Variants in USP38 observed in about 807,000 individuals in gnomAD.
USP38 encodes the protein ubiquitin carboxyl-terminal hydrolase 38.
USP38 carries 49 observed loss-of-function variants against 94.3 expected under a neutral mutation model. The observed-to-expected ratio is 0.52, with a 90% CI of 0.41 to 0.66. The LOEUF is 0.66. Ranked by LOEUF, USP38 falls within the 30% of genes least tolerant of loss-of-function variation. USP38 has a pLI of 0.00. For synonymous variants in USP38, 468 were observed against 463.6 expected (o/e 1.01, Z -0.12); for missense variants, 1,128 against 1,229.4 (o/e 0.92, Z 1.23).
In USP38 at chr4:143,209,408, G is replaced by A. The variant is rs572901244; in HGVS notation, c.1404-156G>A. 2.6e-5 allele frequency among the ~76,000 whole-genome samples: 4 copies of A among 152,002 alleles called. No individual in the cohort carries two copies. The East Asian group carries it at 7.7e-4, about 29-fold the overall frequency. On this transcript the variant is annotated intron_variant, in intron 6 of 9. Transcript: ENST00000307017. ...AATTCCAGCACTTTGGGAGGCCGAG[G>A]TGGGTGGATCATTTGAGGTTTCGGT...
At chr4:143,199,213 G>A (rs28507672) in intron 4 of USP38, among the ~76,000 whole-genome samples, 3,079 of 152,056 alleles carry the variant, frequency 0.02, 79 homozygotes, top group African/African-American at 0.06. Context: ...TTTAGCTCCC[G>A]CTTATAAGTG....
chr4:143,212,211 A>G (rs972536834), intron 7 of USP38, 107 bp from the exon 8 acceptor site: 2 of 809,882 alleles, frequency 2.5e-6, no homozygotes, highest in Non-Finnish European at 3.6e-6. Flanking sequence ...GGCTGATGCA[A>G]TGTTAACTGT....
chr4:143,199,700 T>C (rs1412721614), intron 4 of USP38, among the ~76,000 whole-genome samples: 1 of 152,176 alleles, frequency 6.6e-6, no homozygotes, highest in Non-Finnish European at 1.5e-5. Flanking sequence ...TGGTAGTTCA[T>C]TGTGGTTTTG....
intron 2 of USP38, among the ~76,000 whole-genome samples, chr4:143,195,347 A>G (rs1731513386): frequency 6.6e-6 from 1 of 152,244 alleles, no homozygotes; most frequent in Admixed American, 6.5e-5. Context: ...ATGCCCAGCC[A>G]GTAAATATGT....
Position 143,204,654 on chromosome 4 carries a change from TTACAGGCA to T in USP38, c.1209+1090_1209+1097del, listed in dbSNP as rs1173385051. 14 of 304,304 alleles carry T rather than the reference TTACAGGCA, an allele frequency of 4.6e-5. No individual in the cohort carries two copies. In the Admixed American group the frequency reaches 6.7e-4, roughly 15 times the overall value. 18.9% of individuals were successfully genotyped at this position (304,304 alleles called of 1,614,324 possible). On this transcript the variant is annotated intron_variant, in intron 5 of 9. Coordinates refer to ENST00000307017, the MANE Select transcript of USP38 (RefSeq NM_032557.6). ...TCCTCATCCTCCCAAAGTGCTGGGA[TTACAGGCA>T]TGAGCCACTGTGCCTAGCCTAAAAA...
intron 4 of USP38, among the ~76,000 whole-genome samples, chr4:143,201,417 G>A (rs958319969): frequency 6.6e-6 from 1 of 152,054 alleles, no homozygotes; most frequent in Non-Finnish European, 1.5e-5. Context: ...GAGATTCTCT[G>A]ACATAACTTT....
rs1732377502 is a variant in USP38 at position 143,223,665 on chromosome 4, A to C, written c.*3209A>C. On this transcript the variant is annotated 3_prime_UTR_variant, in exon 10 of 10. Transcript: ENST00000307017. ...CCAGTTACTGGAGATCTTCATTTTG[A>C]TGCTTTGTACTTTGTTCCAGGTCTT... 6.6e-6 allele frequency: 1 copy of C among 152,052 alleles called. No individual in the cohort carries two copies. The highest frequency in any genetic ancestry group is 1.5e-5 in the Non-Finnish European group (1 of 67,978). The allele number at this position is 152,052 out of a possible 1,614,324, so 9.4% of individuals were successfully genotyped here. A position where few individuals can be genotyped will look rare whatever the true frequency, so the allele number is the denominator to read the frequency against.
intron 4 of USP38, 26 bp downstream of exon 4, chr4:143,197,950 T>G (rs766255426): frequency 6.6e-7 from 1 of 1,518,764 alleles, no homozygotes; most frequent in East Asian, 2.3e-5. Context: ...AACGTTCTAC[T>G]TTGAAAAAGC....
chr4:143,185,815 A>G lies in USP38; in HGVS notation c.365A>G (p.Asp122Gly). Residue 122 changes from aspartate (D) to glycine (G), a missense_variant, in exon 1 of 10, where the codon GAT (aspartate) becomes GGT (glycine). Coordinates refer to ENST00000307017, the MANE Select transcript of USP38 (RefSeq NM_032557.6). ...KLIMSCPSVLDLFSLLQVEVL... is the reference protein window; with the variant it reads ...KLIMSCPSVLGLFSLLQVEVL... ...ATTATGAGCTGTCCGTCGGTGCTGGATCTCTTTAGCCTCCTGCAGGTAGAG... is the reference window on the plus strand; with the variant it reads ...ATTATGAGCTGTCCGTCGGTGCTGGGTCTCTTTAGCCTCCTGCAGGTAGAG... 1 of 1,614,090 alleles carries G rather than the reference A, an allele frequency of 6.2e-7. No homozygotes were observed. Among genetic ancestry groups the G allele is most frequent in the African/African-American group, 1.3e-5 (1 of 75,018 alleles).
intron 4 of USP38, among the ~76,000 whole-genome samples, chr4:143,201,612 T>G (rs1731716277): frequency 6.6e-6 from 1 of 152,166 alleles, no homozygotes; most frequent in Non-Finnish European, 1.5e-5. Context: ...TTAGAATATC[T>G]TAGGGCAAGC....
In USP38 at chr4:143,186,031, A is replaced by T. The variant is rs766142970; in HGVS notation, c.581A>T (p.Gln194Leu). 1.2e-6 allele frequency: 2 copies of T among 1,614,268 alleles called. No homozygotes were observed. The highest frequency in any genetic ancestry group is 8.5e-7 in the Non-Finnish European group (1 of 1,180,046). ...AGAGAGCTGCGGGAATATGTCTCCC[A>T]GGTGACAAAAGTGAGTAACTTGCTG... is the stretch of plus-strand genomic sequence containing the variant. Reference protein sequence around the residue: ...QERELREYVSQVTKVSNLLQN... With the variant: ...QERELREYVSLVTKVSNLLQN... The change falls in exon 1 of 10, where the codon CAG (glutamine) becomes CTG (leucine). Residue 194 changes from glutamine to leucine, a missense_variant. Coordinates refer to ENST00000307017, the MANE Select transcript of USP38 (RefSeq NM_032557.6).
At chr4:143,208,465 A>G (rs1238524595) in intron 6 of USP38, among the ~76,000 whole-genome samples, 2 of 152,154 alleles carry the variant, frequency 1.3e-5, no homozygotes, top group Non-Finnish European at 2.9e-5. Context: ...TGATACCAAT[A>G]TAAGATTGTA....
intron 2 of USP38, among the ~76,000 whole-genome samples, chr4:143,189,855 C>G (rs1731343608): frequency 6.6e-6 from 1 of 151,900 alleles, no homozygotes; most frequent in South Asian, 2.1e-4. Context: ...TGATATCTTT[C>G]TATTCATTGT....
chr4:143,192,349 A>G (rs926283245), intron 2 of USP38, among the ~76,000 whole-genome samples: 1 of 152,060 alleles, frequency 6.6e-6, no homozygotes, highest in African/African-American at 2.4e-5. Flanking sequence ...TTTTTAGTAG[A>G]GATGGGGTTT....
chr4:143,194,938 C>T (rs1022873517), intron 2 of USP38, among the ~76,000 whole-genome samples: 117 of 134,416 alleles, frequency 8.7e-4, no homozygotes, highest in African/African-American at 2.8e-3. Context: ...AATGAGTTTT[C>T]TTTCAAGAAA....
Position 143,220,571 on chromosome 4 carries a change from G to C in USP38, c.*115G>C. On this transcript the variant is annotated 3_prime_UTR_variant, in exon 10 of 10. Transcript: ENST00000307017. Reference sequence around the variant, plus strand: ...TTTTCATTAGACCCTTATACTTCAAGAGAACACACTCAGTGCTTGTTTTTA... The same window carrying C: ...TTTTCATTAGACCCTTATACTTCAACAGAACACACTCAGTGCTTGTTTTTA... 1 of 1,039,720 alleles carries C rather than the reference G, an allele frequency of 9.6e-7. No homozygotes were observed. Among genetic ancestry groups the C allele is most frequent in the Non-Finnish European group, 1.3e-6 (1 of 784,180 alleles). 64.4% of individuals were successfully genotyped at this position (1,039,720 alleles called of 1,614,324 possible).
intron 6 of USP38, among the ~76,000 whole-genome samples, chr4:143,209,276 A>G (rs552611543): frequency 1.3e-3 from 193 of 152,286 alleles, no homozygotes; most frequent in Middle Eastern, 3.4e-3. Flanking sequence ...GAAAAGGACC[A>G]TTAGGTAAAT....
chr4:143,185,245 C>A lies in USP38; in HGVS notation c.-206C>A. ...CCAGCCGCAGGTGTCGGTTCTTAGG[C>A]TCTCCAGGCTCGCTAGCTCCCGCCC... is the stretch of plus-strand genomic sequence containing the variant. On this transcript the variant is annotated 5_prime_UTR_variant, in exon 1 of 10. Transcript: ENST00000307017. 1.7e-6 allele frequency: 1 copy of A among 599,386 alleles called. No individual in the cohort carries two copies. The allele number at this position is 599,386 out of a possible 1,614,324, so 37.1% of individuals were successfully genotyped here. A position where few individuals can be genotyped will look rare whatever the true frequency, so the allele number is the denominator to read the frequency against.
At chr4:143,210,222 G>A (rs1324923275) in intron 7 of USP38, among the ~76,000 whole-genome samples, 1 of 152,148 alleles carries the variant, frequency 6.6e-6, no homozygotes, top group African/African-American at 2.4e-5. Context: ...CACCAAGGTG[G>A]TCATATATAG....
Sources: gnomAD v4.1 joint callset for allele counts (sites outside exome capture counted in the v4.1 genomes callset) on GRCh38, gnomAD v4.1.1 for gene constraint, MANE v1.5 for transcripts, NCBI Gene and HGNC (gene_info 2026-07-23, HGNC 2026-07-21) for gene names.